ATP9B: variants seen among roughly 807,000 people sequenced by gnomAD.
ATP9B encodes probable phospholipid-transporting ATPase IIB.
Under a neutral mutation model 146.1 loss-of-function variants are expected in ATP9B, and 110 were observed. The observed-to-expected ratio is 0.75, with a 90% CI of 0.65 to 0.88. The LOEUF (loss-of-function observed/expected upper bound fraction) is 0.88. ATP9B is among the 40% of genes least tolerant of loss of function. The pLI is 0.00. For missense variants in ATP9B, 1,499 were observed against 1,496.4 expected, an observed-to-expected ratio of 1.00 and a Z score of -0.03; for synonymous variants, 604 against 569.7, an observed-to-expected ratio of 1.06 and a Z score of -0.86.
intron 15 of ATP9B, among the ~76,000 whole-genome samples, chr18:79,315,287 G>A (rs1599894742): frequency 6.6e-6 from 1 of 152,284 alleles, no homozygotes; most frequent in Non-Finnish European, 1.5e-5. Context: ...AAGACTAATT[G>A]TGGGGTTTTG....
At chr18:79,222,880 T>A (rs549635318) in intron 11 of ATP9B, among the ~76,000 whole-genome samples, 4 of 152,340 alleles carry the variant, frequency 2.6e-5, no homozygotes, top group African/African-American at 9.6e-5. Flanking sequence ...TATTTAATGA[T>A]ATGAGACTTG....
At chr18:79,367,484 C>A (rs913359828) in intron 26 of ATP9B, among the ~76,000 whole-genome samples, 1 of 146,330 alleles carries the variant, frequency 6.8e-6, no homozygotes. Flanking sequence ...CATATCTTCA[C>A]CTGCACTGTG....
At position 79,377,846 on chromosome 18, in the gene ATP9B, G is replaced by A. The variant is rs1336529155; in HGVS notation, c.*463G>A. ...CGGGAACGTCACCCCTGCCAGGCAAGCCCAGGGCACAGATGCTGCGATGGC... is the reference window on the plus strand; with the variant it reads ...CGGGAACGTCACCCCTGCCAGGCAAACCCAGGGCACAGATGCTGCGATGGC... On this transcript the variant is annotated 3_prime_UTR_variant, in exon 30 of 30. Transcript: ENST00000426216. The A allele has an allele frequency of 6.2e-6, 1 of 162,592 alleles. No individual in the cohort carries two copies. The highest frequency in any genetic ancestry group is 2.4e-5 in the African/African-American group (1 of 41,940). 10.1% of individuals were successfully genotyped at this position (162,592 alleles called of 1,614,324 possible).
rs2095871162 is a variant in ATP9B at position 79,239,605 on chromosome 18, G to T, written c.1108-13776G>T. On this transcript the variant is annotated intron_variant, in intron 11 of 29. Coordinates refer to ENST00000426216, the MANE Select transcript of ATP9B (RefSeq NM_198531.5). The surrounding 1 kb of genome is among the most constrained non-coding windows in gnomAD (Gnocchi z 5.1). ...CATTGTGCCATGCTGCTTGTAAAAA[G>T]AAATGGAAGAAAAATCAGCTTCCCT... Among the ~76,000 whole-genome samples the T allele has an allele frequency of 6.6e-6, 1 of 152,122 alleles. No homozygotes were observed. The highest frequency in any genetic ancestry group is 6.5e-5 in the Admixed American group (1 of 15,276).
chr18:79,350,094 C>A (rs1192169250), intron 25 of ATP9B, among the ~76,000 whole-genome samples: 1 of 152,214 alleles, frequency 6.6e-6, no homozygotes, highest in African/African-American at 2.4e-5. Flanking sequence ...CTAGGCCCCC[C>A]ACCCCAAGCC....
chr18:79,292,226 A>G (rs1012119910), intron 13 of ATP9B, among the ~76,000 whole-genome samples: 1 of 152,214 alleles, frequency 6.6e-6, no homozygotes, highest in Non-Finnish European at 1.5e-5. Flanking sequence ...CAGTTAGGCA[A>G]GAGCAAGAAG....
chr18:79,344,081 C>T, intron 20 of ATP9B, 184 bp from the exon 21 acceptor site: 1 of 619,302 alleles, frequency 1.6e-6, no homozygotes, highest in Non-Finnish European at 2.9e-6. Context: ...AGTGGATAGA[C>T]ACACCCAGCA....
At chr18:79,359,575 A>G (rs2096975181) in intron 26 of ATP9B, 113 bp downstream of exon 26, 1 of 789,130 alleles carries the variant, frequency 1.3e-6, no homozygotes, top group South Asian at 1.5e-5. Context: ...GTGAAAAACG[A>G]TTCTCTGTCC....
rs766466044 is a variant in ATP9B at position 79,345,438 on chromosome 18, A to C, written c.2483A>C (p.Lys828Thr). The change falls in exon 22 of 30, where the codon AAG becomes ACG. Residue 828 changes from lysine to threonine, a missense_variant. Physicochemically the swap from Lys to Thr is moderately conservative, Grantham distance 78. Transcript: ENST00000426216. ...GGCTTTGTTTTCCAGGTTTGTCTAAAGTACTACGAGCATGAATTTGTGGAG... is the reference window on the plus strand; with the variant it reads ...GGCTTTGTTTTCCAGGTTTGTCTAACGTACTACGAGCATGAATTTGTGGAG... The part of the protein sequence containing the change: ...ISGDSLEVCL[K>T]YYEHEFVELA... The C allele has an allele frequency of 6.2e-7, 1 of 1,613,996 alleles. No individual in the cohort carries two copies. Among genetic ancestry groups the C allele is most frequent in the Non-Finnish European group, 8.5e-7 (1 of 1,180,000 alleles).
chr18:79,282,017 G>C (rs1399470562), intron 13 of ATP9B, among the ~76,000 whole-genome samples: 1 of 152,216 alleles, frequency 6.6e-6, no homozygotes, highest in Non-Finnish European at 1.5e-5. Flanking sequence ...AGGGATGACT[G>C]TTAGAAGGTT....
chr18:79,372,636 A>G (rs2097078784), intron 26 of ATP9B, 189 bp from the exon 27 acceptor site: 1 of 675,802 alleles, frequency 1.5e-6, no homozygotes, highest in African/African-American at 1.8e-5. Flanking sequence ...TGTGGGACCC[A>G]GGCAGCTTCT....
intron 9 of ATP9B, among the ~76,000 whole-genome samples, chr18:79,205,447 T>C (rs2095525114): frequency 9.3e-6 from 1 of 107,238 alleles, no homozygotes; most frequent in East Asian, 2.2e-4. Context: ...TTGGAAAATA[T>C]GTTTTCAATT....
At chr18:79,178,107 TTA>T (rs1488721660) in intron 8 of ATP9B, among the ~76,000 whole-genome samples, 1 of 151,896 alleles carries the variant, frequency 6.6e-6, no homozygotes, top group East Asian at 1.9e-4. Context: ...AATAGTGAAG[TTA>T]TATGTCAGGG....
At position 79,303,652 on chromosome 18, in the gene ATP9B, C is replaced by T. The variant is rs766841649; in HGVS notation, c.1460C>T (p.Thr487Ile). The change falls in exon 14 of 30, where the codon ACC becomes ATC. Residue 487 changes from threonine (T) to isoleucine (I), a missense_variant. Transcript: ENST00000426216. ...EMIFKRLHLG[T>I]VSYGADTMDE... ...ATATTTAAGCGGCTGCACCTGGGCACCGTGTCCTATGGCGCCGACACGATG... is the reference window on the plus strand; with the variant it reads ...ATATTTAAGCGGCTGCACCTGGGCATCGTGTCCTATGGCGCCGACACGATG... The T allele has an allele frequency of 1.2e-6, 2 of 1,614,034 alleles. No individual in the cohort carries two copies. Among genetic ancestry groups the T allele is most frequent in the Non-Finnish European group, 8.5e-7 (1 of 1,179,962 alleles).
intron 1 of ATP9B, among the ~76,000 whole-genome samples, chr18:79,082,360 G>C (rs918765758): frequency 1.3e-5 from 2 of 152,096 alleles, no homozygotes; most frequent in African/African-American, 4.8e-5. Flanking sequence ...TGCTTCTTTA[G>C]CTCGGAGGAG....
chr18:79,183,340 A>G (rs1186621537), intron 8 of ATP9B, among the ~76,000 whole-genome samples: 1 of 152,222 alleles, frequency 6.6e-6, no homozygotes, highest in East Asian at 1.9e-4. Flanking sequence ...AGACTATGCA[A>G]CTTATCTACT....
chr18:79,227,867 G>A (rs1237337860), intron 11 of ATP9B, among the ~76,000 whole-genome samples: 8 of 152,368 alleles, frequency 5.3e-5, no homozygotes, highest in Admixed American at 3.3e-4. Flanking sequence ...CCAGGCATGT[G>A]TGTGCACTGT....
At chr18:79,166,008 T>C (rs1000516215) in intron 7 of ATP9B, among the ~76,000 whole-genome samples, 1 of 152,136 alleles carries the variant, frequency 6.6e-6, no homozygotes, top group Non-Finnish European at 1.5e-5. Flanking sequence ...CAGTGCCCAC[T>C]TGATGACCTG....
At chr18:79,076,161 TCAGA>T (rs2072589715) in intron 1 of ATP9B, among the ~76,000 whole-genome samples, 2 of 152,212 alleles carry the variant, frequency 1.3e-5, no homozygotes, top group Admixed American at 1.3e-4. Context: ...GAACCCTATA[TCAGA>T]CAGTGTTAAC....
Sources: allele counts gnomAD v4.1 joint callset (sites outside exome capture counted in the v4.1 genomes callset), GRCh38; gene constraint gnomAD v4.1.1; non-coding constraint Gnocchi (gnomAD v3.1); transcripts MANE v1.5; gene names NCBI Gene and HGNC (gene_info 2026-07-23, HGNC 2026-07-21).